The following KDM1A variants were observed in gnomAD, a reference collection of about 807,000 sequenced individuals.
The protein encoded by KDM1A is lysine-specific histone demethylase 1A.
Under a neutral mutation model 109.4 loss-of-function variants are expected in KDM1A, and 49 were observed. The ratio of observed to expected loss-of-function variants is 0.45; its 90% confidence interval spans 0.36 to 0.57. The LOEUF (loss-of-function observed/expected upper bound fraction) is 0.57. KDM1A is among the 20% of genes least tolerant of loss of function. The pLI, the probability that KDM1A is intolerant of heterozygous loss-of-function variation, is 0.00. For synonymous variants in KDM1A, 380 were observed against 415.4 expected (o/e 0.91, Z 1.04); for missense variants, 668 against 1,116.6 (o/e 0.60, Z 5.73).
intron 4 of KDM1A, among the ~76,000 whole-genome samples, chr1:23,051,929 T>A (rs1046067048): frequency 5.9e-5 from 9 of 152,244 alleles, no homozygotes; most frequent in African/African-American, 1.9e-4. Context: ...GTGAGTTTTT[T>A]AAAAAGTGAA....
intron 10 of KDM1A, 98 bp from the exon 11 acceptor site, chr1:23,068,441 C>A: frequency 1.0e-6 from 1 of 954,344 alleles, no homozygotes; most frequent in Non-Finnish European, 1.5e-6. Context: ...CTTTGAGATA[C>A]ATATTTTGAC....
chr1:23,081,100 A>G, intron 18 of KDM1A: 1 of 236,384 alleles, frequency 4.2e-6, no homozygotes, highest in Middle Eastern at 1.6e-3. Context: ...AAGGTAGTCA[A>G]GGTTAAGAAT....
In KDM1A at chr1:23,081,428, T is replaced by C. The variant is rs763366522; in HGVS notation, c.2171-18T>C. 1.9e-6 allele frequency: 3 copies of C among 1,613,728 alleles called. No homozygotes were observed. Among genetic ancestry groups the C allele is most frequent in the South Asian group, 2.2e-5 (2 of 91,054 alleles). ...AGTCTGTAGGAAAACCCTAGAATTA[T>C]CCTTTCTGTTTCCCCAGCTCCAATA... On this transcript the variant is annotated intron_variant, in intron 18 of 20. Transcript: ENST00000400181.
At chr1:23,032,515 G>A (rs1484551461) in intron 2 of KDM1A, among the ~76,000 whole-genome samples, 2 of 151,174 alleles carry the variant, frequency 1.3e-5, no homozygotes, top group African/African-American at 4.8e-5. Context: ...TTGGGGGGAC[G>A]TTAAAATTTT....
chr1:23,053,198 T>G (rs1208301129), intron 4 of KDM1A, among the ~76,000 whole-genome samples: 1 of 152,088 alleles, frequency 6.6e-6, no homozygotes, highest in Non-Finnish European at 1.5e-5. Flanking sequence ...CCCTTCTAGC[T>G]CTATGGATTT....
chr1:23,040,126 G>A (rs988088783), intron 2 of KDM1A, among the ~76,000 whole-genome samples: 7 of 151,972 alleles, frequency 4.6e-5, no homozygotes, highest in Admixed American at 1.3e-4. Flanking sequence ...TTGGAAAATC[G>A]TTGCTTCCTA....
At chr1:23,025,005 A>G (rs1198412978) in intron 1 of KDM1A, among the ~76,000 whole-genome samples, 2 of 152,240 alleles carry the variant, frequency 1.3e-5, no homozygotes, top group African/African-American at 2.4e-5. Flanking sequence ...AACAGGAATC[A>G]TCTAGGAACA....
In KDM1A at chr1:23,083,580, G is replaced by A. The variant is rs554006692; in HGVS notation, c.*216G>A. On this transcript the variant is annotated 3_prime_UTR_variant, in exon 21 of 21. Coordinates refer to ENST00000400181, the MANE Select transcript of KDM1A (RefSeq NM_001009999.3). ...CCATTAGTTTGGAATTGTGTTCTTCGTAAAGACTGAGGCAAGCAAGTGCTG... is the reference window on the plus strand; with the variant it reads ...CCATTAGTTTGGAATTGTGTTCTTCATAAAGACTGAGGCAAGCAAGTGCTG... The A allele has an allele frequency of 2.9e-5, 12 of 418,826 alleles. No homozygotes were observed. Among genetic ancestry groups the A allele is most frequent in the Admixed American group, 1.1e-4 (3 of 26,536 alleles). 25.9% of individuals were successfully genotyped at this position (418,826 alleles called of 1,614,324 possible).
At chr1:23,034,508 TG>T (rs1317432714) in intron 2 of KDM1A, among the ~76,000 whole-genome samples, 17 of 151,242 alleles carry the variant, frequency 1.1e-4, no homozygotes, top group African/African-American at 3.7e-4. Flanking sequence ...TTCCTGTCTT[TG>T]CTCAGATTGT....
chr1:23,023,077 C>T (rs887698933), intron 1 of KDM1A, among the ~76,000 whole-genome samples: 4 of 152,112 alleles, frequency 2.6e-5, no homozygotes, highest in Admixed American at 2.6e-4. Flanking sequence ...TGATGTTGGG[C>T]ATCTTTTCAT....
In KDM1A at chr1:23,053,754, A is replaced by G; in HGVS notation, c.712-7A>G. On this transcript the variant is annotated splice_polypyrimidine_tract_variant and splice_region_variant and intron_variant, in intron 4 of 20. Coordinates refer to ENST00000400181, the MANE Select transcript of KDM1A (RefSeq NM_001009999.3). ...TATGTAATACAATTTATGTCATTTA[A>G]ATGCAGCTGCAGTTGTGGTTGGATA... The G allele has an allele frequency of 6.3e-7, 1 of 1,586,608 alleles. No homozygotes were observed. The highest frequency in any genetic ancestry group is 2.2e-5 in the East Asian group (1 of 44,714).
At chr1:23,033,853 G>A (rs1483861574) in intron 2 of KDM1A, among the ~76,000 whole-genome samples, 1 of 152,146 alleles carries the variant, frequency 6.6e-6, no homozygotes, top group African/African-American at 2.4e-5. Context: ...AGCAAGGGGG[G>A]TTACACTGAA....
Position 23,069,119 on chromosome 1 carries a change from A to G in KDM1A, c.1381A>G (p.Thr461Ala). ...QIEHWKKIVK[T>A]QEELKELLNK... Reference sequence around the variant, plus strand: ...TGAACATTGGAAGAAGATAGTGAAAACTCAGGAAGAATTGAAAGAACTTCT... The same window carrying G: ...TGAACATTGGAAGAAGATAGTGAAAGCTCAGGAAGAATTGAAAGAACTTCT... The change falls in exon 12 of 21, where the codon ACT (threonine) becomes GCT (alanine). Residue 461 changes from threonine (T) to alanine (A), a missense_variant. Physicochemically the swap from Thr to Ala is moderately conservative, Grantham distance 58. Transcript: ENST00000400181. 6.2e-7 allele frequency: 1 copy of G among 1,609,480 alleles called. No individual in the cohort carries two copies. Among genetic ancestry groups the G allele is most frequent in the South Asian group, 1.1e-5 (1 of 90,354 alleles).
At chr1:23,081,634 A>C in intron 19 of KDM1A, 61 bp downstream of exon 19, 1 of 1,580,712 alleles carries the variant, frequency 6.3e-7, no homozygotes, top group Non-Finnish European at 8.7e-7. Flanking sequence ...GGTTTAATGT[A>C]TTTGCAGCAT....
chr1:23,083,309 C>A lies in KDM1A; in HGVS notation c.2576C>A (p.Thr859Lys). 6.2e-7 allele frequency: 1 copy of A among 1,613,822 alleles called. No homozygotes were observed. The highest frequency in any genetic ancestry group is 8.5e-7 in the Non-Finnish European group (1 of 1,179,962). The change falls in exon 21 of 21, where the codon ACG becomes AAG. Residue 859 changes from threonine (T) to lysine (K), a missense_variant. Physicochemically the swap from Thr to Lys is moderately conservative, Grantham distance 78. Around this residue, in one of 8 missense-constraint regions of KDM1A, gnomAD observed 69 missense variants for 99.6 expected, o/e 0.69. Transcript: ENST00000400181. Reference protein sequence around the residue: ...IADQFLGAMYTLPRQATPGVP... With the variant: ...IADQFLGAMYKLPRQATPGVP... ...GACCAGTTTTTGGGGGCCATGTATA[C>A]GCTGCCTCGCCAGGCCACACCAGGT...
intron 4 of KDM1A, 127 bp downstream of exon 4, chr1:23,050,647 A>T (rs753567739): frequency 5.5e-5 from 39 of 714,532 alleles, no homozygotes; most frequent in Non-Finnish European, 7.5e-5. Context: ...TATTACCCAG[A>T]GATAACCTTT....
intron 2 of KDM1A, among the ~76,000 whole-genome samples, chr1:23,037,446 T>G (rs1439197486): frequency 1.3e-5 from 2 of 152,198 alleles, no homozygotes; most frequent in Admixed American, 1.3e-4. Context: ...TAAATAAGAT[T>G]GTATTTATCA....
At chr1:23,053,587 T>C (rs1452350366) in intron 4 of KDM1A, among the ~76,000 whole-genome samples, 174 bp from the exon 5 acceptor site, 2 of 152,146 alleles carry the variant, frequency 1.3e-5, no homozygotes, top group African/African-American at 4.8e-5. Context: ...GGTCTCACTA[T>C]ATTGCCTAAG....
intron 12 of KDM1A, among the ~76,000 whole-genome samples, chr1:23,070,346 C>T (rs1189947887): frequency 6.6e-6 from 1 of 152,120 alleles, no homozygotes; most frequent in African/African-American, 2.4e-5. Context: ...TAGCACACAC[C>T]TGTAATCCCA....
Sources: allele counts gnomAD v4.1 joint callset (sites outside exome capture counted in the v4.1 genomes callset), GRCh38; gene constraint gnomAD v4.1.1; regional missense constraint gnomAD v4.1.1; transcripts MANE v1.5; gene names NCBI Gene and HGNC (gene_info 2026-07-23, HGNC 2026-07-21).